Variants in ATP4B observed in about 807,000 individuals in gnomAD.
ATP4B encodes the protein potassium-transporting ATPase subunit beta.
A neutral mutation model predicts 35.3 loss-of-function variants in ATP4B; 27 were observed. The observed-to-expected ratio is 0.76, with a 90% CI of 0.56 to 1.05. The LOEUF (loss-of-function observed/expected upper bound fraction) is 1.05. Ranked by LOEUF, ATP4B falls within the 50% of genes least tolerant of loss-of-function variation. ATP4B has a pLI of 0.00. For synonymous variants in ATP4B, 162 were observed against 156.0 expected, an observed-to-expected ratio of 1.04 and a Z score of -0.29; for missense variants, 375 against 384.8, an observed-to-expected ratio of 0.97 and a Z score of 0.21.
At chr13:113,653,787 T>C (rs955297776) in intron 2 of ATP4B, among the ~76,000 whole-genome samples, 14 of 152,180 alleles carry the variant, frequency 9.2e-5, no homozygotes, top group African/African-American at 1.9e-4. Flanking sequence ...TTAAAAAAAA[T>C]CTTCACTGGT....
intron 1 of ATP4B, among the ~76,000 whole-genome samples, chr13:113,655,856 A>G (rs2049750836): frequency 6.6e-6 from 1 of 152,230 alleles, no homozygotes. Flanking sequence ...TCAGAGAAGC[A>G]AGGGAGTGCA....
chr13:113,654,559 A>C (rs931039716), intron 2 of ATP4B, among the ~76,000 whole-genome samples: 1 of 152,242 alleles, frequency 6.6e-6, no homozygotes, highest in Non-Finnish European at 1.5e-5. Context: ...AGATTTTATA[A>C]TTTGGAGTCA....
intron 5 of ATP4B, 34 bp downstream of exon 5, chr13:113,651,637 G>T (rs2049712764): frequency 6.4e-7 from 1 of 1,563,536 alleles, no homozygotes; most frequent in Middle Eastern, 1.7e-4. Context: ...CTCCTTTCCT[G>T]GGGCAGCCCT....
In ATP4B at chr13:113,658,100, C is replaced by T; in HGVS notation, c.45G>A (p.Glu15=). The T allele has an allele frequency of 3.7e-6, 6 of 1,612,798 alleles. No homozygotes were observed. Among genetic ancestry groups the T allele is most frequent in the Non-Finnish European group, 5.1e-6 (6 of 1,179,792 alleles). ...GGTTCCAGCAGTAACGCTGGAACTC[C>T]TCCATGCGCTGGCCACACGTCTTCT... is the stretch of plus-strand genomic sequence containing the variant. ...QEKKTCGQRM[E]EFQRYCWNPD... The change falls in exon 1 of 7, where the codon GAG becomes GAA. Residue 15 remains glutamate (E), a synonymous_variant. Coordinates refer to ENST00000335288, the MANE Select transcript of ATP4B (RefSeq NM_000705.4).
rs562077118 is a variant in ATP4B, at chr13:113,654,621, T to C, written c.241+193A>G. ...GCCGCTTATGCCTTGGTGCTGCTCTTAAAGCCGGTTCAGGGGCCAGGGGCT... is the reference window on the plus strand; with the variant it reads ...GCCGCTTATGCCTTGGTGCTGCTCTCAAAGCCGGTTCAGGGGCCAGGGGCT... On this transcript the variant is annotated intron_variant, in intron 2 of 6. Coordinates refer to ENST00000335288, the MANE Select transcript of ATP4B (RefSeq NM_000705.4). Among the ~76,000 whole-genome samples, 270 of 152,376 alleles carry C rather than the reference T, an allele frequency of 1.8e-3. No individual in the cohort carries two copies. The Middle Eastern group carries it at 0.024, about 13-fold the overall frequency.
rs1420568860 is a variant in ATP4B, at chr13:113,649,494, G to A, written c.756C>T (p.Asn252=). Residue 252 remains asparagine (N), a synonymous_variant, in exon 7 of 7, where the codon AAC becomes AAT. Coordinates refer to ENST00000335288, the MANE Select transcript of ATP4B (RefSeq NM_000705.4). The surrounding 1 kb of genome is among the most constrained non-coding windows in gnomAD (Gnocchi z 4.7). ...SNPLVAAKLL[N]IPRNAEVAIV... is the part of the protein sequence containing the mutation. ...TGGCGACCTCAGCGTTCCTGGGGAT[G>A]TTGAGGAGCTTCGCTGCCACCAGGG... 2.6e-6 allele frequency: 4 copies of A among 1,550,396 alleles called. No individual in the cohort carries two copies. The highest frequency in any genetic ancestry group is 1.9e-5 in the Admixed American group (1 of 51,736).
chr13:113,652,815 G>T (rs2049722303), intron 4 of ATP4B, 58 bp downstream of exon 4: 1 of 1,583,418 alleles, frequency 6.3e-7, no homozygotes, highest in South Asian at 1.1e-5. Flanking sequence ...GTGGGTGTGG[G>T]TGAGAGGCCC....
rs1386866504 is a variant in ATP4B at position 113,650,668 on chromosome 13, G to A, written c.613-161C>T. On this transcript the variant is annotated intron_variant, in intron 5 of 6. Transcript: ENST00000335288. This position sits in a 1 kb window ranked among gnomAD's most constrained non-coding sequence, Gnocchi z 5.0. ...AAATCAGATGCAATCTTTCTAATCA[G>A]TGCTGAGATCTCAGCAAGGATATGA... Among the ~76,000 whole-genome samples, 4 of 152,188 alleles carry A rather than the reference G, an allele frequency of 2.6e-5. No homozygotes were observed. The highest frequency in any genetic ancestry group is 9.7e-5 in the African/African-American group (4 of 41,446).
chr13:113,656,722 G>A (rs2049757961), intron 1 of ATP4B, among the ~76,000 whole-genome samples: 1 of 152,120 alleles, frequency 6.6e-6, no homozygotes, highest in Non-Finnish European at 1.5e-5. Context: ...GTTTTCCTGG[G>A]GCCCTAAGAC....
rs919887032 is a variant in ATP4B at position 113,650,212 on chromosome 13, G to A, written c.714+194C>T. On this transcript the variant is annotated intron_variant, in intron 6 of 6. Transcript: ENST00000335288. The surrounding 1 kb of genome is among the most constrained non-coding windows in gnomAD (Gnocchi z 5.0). ...TGAAGAGTTAGAGTTGTATTTTCAT[G>A]TTGCGTGAGAGGAATGTTTCCAGGT... Among the ~76,000 whole-genome samples the A allele has an allele frequency of 1.3e-5, 2 of 151,834 alleles. No individual in the cohort carries two copies. The highest frequency in any genetic ancestry group is 1.9e-4 in the East Asian group (1 of 5,184).
intron 1 of ATP4B, among the ~76,000 whole-genome samples, chr13:113,657,399 C>G (rs1236513218): frequency 1.3e-5 from 2 of 152,248 alleles, no homozygotes; most frequent in African/African-American, 2.4e-5. Flanking sequence ...TGTGGCAGCC[C>G]TGATGTAGAC....
In ATP4B at chr13:113,653,406, C is replaced by T. The variant is rs767385897; in HGVS notation, c.270G>A (p.Gly90=). The T allele has an allele frequency of 1.5e-5, 25 of 1,614,128 alleles. No homozygotes were observed. In the Admixed American group the frequency reaches 1.8e-4, roughly 12 times the overall value. ...TGTAGACAATTTCCAGGCCTTTCTC[C>T]CCGTAAACATCCGGCCTTAAGGTTA... ...PGVTLRPDVY[G]EKGLEIVYNV... Residue 90 remains glycine, a synonymous_variant, in exon 3 of 7, where the codon GGG becomes GGA. Transcript: ENST00000335288.
At chr13:113,652,802 G>T in intron 4 of ATP4B, 71 bp downstream of exon 4, 1 of 1,540,352 alleles carries the variant, frequency 6.5e-7, no homozygotes, top group Non-Finnish European at 8.9e-7. Context: ...TGTGCTCCTC[G>T]TGGTGGGTGT....
chr13:113,649,311 C>G lies in ATP4B; in HGVS notation c.*63G>C. ...CAGGGAACTGACGGGCAAGGTAAGC[C>G]CAACCAGGAGGGTGTCCTTGAGCGA... On this transcript the variant is annotated 3_prime_UTR_variant, in exon 7 of 7. Coordinates refer to ENST00000335288, the MANE Select transcript of ATP4B (RefSeq NM_000705.4). The surrounding 1 kb of genome is among the most constrained non-coding windows in gnomAD (Gnocchi z 4.7). 1 of 1,531,766 alleles carries G rather than the reference C, an allele frequency of 6.5e-7. No homozygotes were observed. The highest frequency in any genetic ancestry group is 8.8e-7 in the Non-Finnish European group (1 of 1,135,324). The allele number at this position is 1,531,766 out of a possible 1,614,324, so 94.9% of individuals were successfully genotyped here.
chr13:113,654,701 C>A, intron 2 of ATP4B, 113 bp downstream of exon 2: 1 of 1,460,282 alleles, frequency 6.8e-7, no homozygotes, highest in Admixed American at 2.4e-5. Flanking sequence ...GCCGGGCTGG[C>A]TTCCCTGGGC....
rs1446903019 is a variant in ATP4B at position 113,650,442 on chromosome 13, A to G, written c.678T>C (p.Ser226=). ...TCCCGTAATAAGGGAAGTAGTGCAG[A>G]CTGAAGGTGCCGTTGGGAGGGTAGT... ...VKYYPPNGTF[S]LHYFPYYGKK... is the part of the protein sequence containing the mutation. The change falls in exon 6 of 7, where the codon AGT becomes AGC. Residue 226 remains serine, a synonymous_variant. Coordinates refer to ENST00000335288, the MANE Select transcript of ATP4B (RefSeq NM_000705.4). This position sits in a 1 kb window ranked among gnomAD's most constrained non-coding sequence, Gnocchi z 5.0. 2.5e-6 allele frequency: 4 copies of G among 1,613,966 alleles called. No homozygotes were observed. The African/African-American group carries it at 4.0e-5, about 16-fold the overall frequency.
chr13:113,654,514 C>T (rs1189807654), intron 2 of ATP4B, among the ~76,000 whole-genome samples: 1 of 152,230 alleles, frequency 6.6e-6, no homozygotes, highest in Non-Finnish European at 1.5e-5. Context: ...ATAACAAAAC[C>T]CTTCTGTTTC....
At position 113,653,318 on chromosome 13, in the gene ATP4B, C is replaced by G. The variant is rs759355813; in HGVS notation, c.355+3G>C. On this transcript the variant is annotated splice_donor_region_variant and intron_variant, in intron 3 of 6. Coordinates refer to ENST00000335288, the MANE Select transcript of ATP4B (RefSeq NM_000705.4). ...ACACCTCACCTGCCGTTTCACACCT[C>G]ACCTGCTAGGAAGGCGTGGAGAGTC... The G allele has an allele frequency of 3.7e-6, 6 of 1,612,618 alleles. No individual in the cohort carries two copies. The highest frequency in any genetic ancestry group is 3.3e-5 in the Admixed American group (2 of 59,982).
Position 113,650,540 on chromosome 13 carries a change from G to T in ATP4B, c.613-33C>A. 1 of 1,567,876 alleles carries T rather than the reference G, an allele frequency of 6.4e-7. No individual in the cohort carries two copies. The highest frequency in any genetic ancestry group is 8.7e-7 in the Non-Finnish European group (1 of 1,147,440). On this transcript the variant is annotated intron_variant, in intron 5 of 6. Coordinates refer to ENST00000335288, the MANE Select transcript of ATP4B (RefSeq NM_000705.4). The surrounding 1 kb of genome is among the most constrained non-coding windows in gnomAD (Gnocchi z 5.0). ...GGAGAGGCCACTGCCTGAGTCAGGC[G>T]GGAGCTGGTGTGTGCCGGTGTCTGT...
Sources: allele counts gnomAD v4.1 joint callset (sites outside exome capture counted in the v4.1 genomes callset), GRCh38; gene constraint gnomAD v4.1.1; non-coding constraint Gnocchi (gnomAD v3.1); transcripts MANE v1.5; gene names NCBI Gene and HGNC (gene_info 2026-07-23, HGNC 2026-07-21).